LRRC71: variants seen among roughly 807,000 people sequenced by gnomAD.
LRRC71 encodes leucine-rich repeat-containing protein 71.
A neutral mutation model predicts 66.6 loss-of-function variants in LRRC71; 54 were observed. The observed-to-expected ratio is 0.81, with a 90% CI of 0.65 to 1.02. The LOEUF (loss-of-function observed/expected upper bound fraction) is 1.02, where lower values mean the gene tolerates loss of function less well. Among genes scored for constraint, LRRC71 ranks in the 50% least tolerant of loss-of-function variants. The pLI is 0.00. For missense variants in LRRC71, 724 were observed against 718.0 expected (o/e 1.01, Z -0.10); for synonymous variants, 323 against 303.9 (o/e 1.06, Z -0.65).
At chr1:156,928,454 TCTTCTC>T (rs1397825696) in intron 9 of LRRC71, among the ~76,000 whole-genome samples, 1 of 64,534 alleles carries the variant, frequency 1.5e-5, no homozygotes, top group East Asian at 9.1e-4. Context: ...CTCCTCCTCT[TCTTCTC>T]CTTCTTCTCT....
rs747664406 is a variant in LRRC71 at position 156,932,559 on chromosome 1, ACT to A, written c.1563+20_1563+21del. The A allele has an allele frequency of 1.2e-6, 2 of 1,613,602 alleles. No homozygotes were observed. The highest frequency in any genetic ancestry group is 1.1e-5 in the South Asian group (1 of 91,066). ...CTGTCCCTGGCTGTGAGTCCCTTTC[ACT>A]CTCTCCTGCTGAAGCAGACGTTGCC... On this transcript the variant is annotated intron_variant, in intron 14 of 14. Coordinates refer to ENST00000337428, the MANE Select transcript of LRRC71 (RefSeq NM_144702.3).
intron 11 of LRRC71, 85 bp from the exon 12 acceptor site, chr1:156,930,444 C>A: frequency 8.0e-7 from 1 of 1,255,022 alleles, no homozygotes; most frequent in Non-Finnish European, 1.1e-6. Flanking sequence ...GGTCTCTTTG[C>A]CTCACAGCCT....
the LRRC71 span, among the ~76,000 whole-genome samples, chr1:156,940,937 G>C: frequency 6.6e-6 from 1 of 152,202 alleles, no homozygotes. Flanking sequence ...CTCTCAATGA[G>C]AATGCTGTCC....
At chr1:156,921,590 T>A in intron 1 of LRRC71, 4 of 978,666 alleles carry the variant, frequency 4.1e-6, no homozygotes, top group Non-Finnish European at 3.6e-6. Flanking sequence ...CCAGGTACTA[T>A]CTCTTTGTCA....
intron 11 of LRRC71, 69 bp downstream of exon 11, chr1:156,929,798 G>A (rs1468934588): frequency 1.5e-6 from 2 of 1,377,508 alleles, no homozygotes; most frequent in African/African-American, 1.4e-5. Context: ...CCGGGTGCAG[G>A]AAGCTGTTCT....
chr1:156,920,932 T>C lies in LRRC71; in HGVS notation c.129T>C (p.Pro43=). The change falls in exon 1 of 15, where the codon CCT becomes CCC. Residue 43 remains proline, a synonymous_variant. Coordinates refer to ENST00000337428, the MANE Select transcript of LRRC71 (RefSeq NM_144702.3). The surrounding 1 kb of genome is among the most constrained non-coding windows in gnomAD (Gnocchi z 4.9). ...AAKEKPATVL[P]PVGEEEPKSP... ...AAGAGAAGCCAGCGACCGTTCTGCCTCCCGTGGGGGAGGAGGAGCCCAAAA... is the reference window on the plus strand; with the variant it reads ...AAGAGAAGCCAGCGACCGTTCTGCCCCCCGTGGGGGAGGAGGAGCCCAAAA... 1 of 1,538,426 alleles carries C rather than the reference T, an allele frequency of 6.5e-7. No individual in the cohort carries two copies. The highest frequency in any genetic ancestry group is 8.8e-7 in the Non-Finnish European group (1 of 1,140,714).
At chr1:156,940,809 G>A in the LRRC71 span, among the ~76,000 whole-genome samples, 1 of 152,184 alleles carries the variant, frequency 6.6e-6, no homozygotes, top group Admixed American at 6.5e-5. Flanking sequence ...ATGAAGACGT[G>A]AAGGAGGTGT....
At chr1:156,932,100 C>T in intron 13 of LRRC71, 73 bp downstream of exon 13, 1 of 1,205,312 alleles carries the variant, frequency 8.3e-7, no homozygotes, top group Non-Finnish European at 1.2e-6. Flanking sequence ...GGGTGTTTAC[C>T]CCGACTCTAT....
rs1652930212 is a variant in LRRC71, at chr1:156,924,735, G to A, written c.515+17G>A. The A allele has an allele frequency of 8.4e-6, 13 of 1,551,374 alleles. No individual in the cohort carries two copies. Among genetic ancestry groups the A allele is most frequent in the Non-Finnish European group, 1.0e-5 (12 of 1,146,696 alleles). ...GGCCATCAAGTGAGAGGCACTGAGG[G>A]GATGGGCGGGGGACCAGAGTGGGAG... is the stretch of plus-strand genomic sequence containing the variant. On this transcript the variant is annotated intron_variant, in intron 4 of 14. Coordinates refer to ENST00000337428, the MANE Select transcript of LRRC71 (RefSeq NM_144702.3).
downstream of LRRC71, chr1:156,937,215 A>G: frequency 6.2e-7 from 1 of 1,612,772 alleles, no homozygotes; most frequent in Non-Finnish European, 8.5e-7. Context: ...GATGGACTGA[A>G]GGCCTGCAGG....
chr1:156,924,401 C>T (rs1180753281), intron 2 of LRRC71, 23 bp from the exon 3 acceptor site: 3 of 1,545,430 alleles, frequency 1.9e-6, no homozygotes, highest in Admixed American at 2.0e-5. Flanking sequence ...CTGTTCCCCT[C>T]CCTCCTCACC....
At position 156,931,919 on chromosome 1, in the gene LRRC71, G is replaced by C; in HGVS notation, c.1333G>C (p.Val445Leu). 6.3e-7 allele frequency: 1 copy of C among 1,581,964 alleles called. No individual in the cohort carries two copies. The highest frequency in any genetic ancestry group is 2.3e-5 in the East Asian group (1 of 43,606). The change falls in exon 13 of 15, where the codon GTT becomes CTT. Residue 445 changes from valine to leucine, a missense_variant. By Grantham distance (32) the Val-to-Leu change is conservative. Transcript: ENST00000337428. ...KRSILLESELVVEATEVVNPL... is the reference protein window; with the variant it reads ...KRSILLESELLVEATEVVNPL... ...AATTAGTATTCTGCTTTAGCAGCTG[G>C]TTGTTGAGGCTACTGAGGTGGTCAA... is the stretch of plus-strand genomic sequence containing the variant.
At chr1:156,921,972 C>T (rs1652466136) in intron 1 of LRRC71, among the ~76,000 whole-genome samples, 1 of 152,032 alleles carries the variant, frequency 6.6e-6, no homozygotes, top group Non-Finnish European at 1.5e-5. Context: ...GAGTGAGTGA[C>T]AGAGCAAGAA....
chr1:156,922,109 CA>C (rs1652484084), intron 1 of LRRC71, among the ~76,000 whole-genome samples: 1 of 152,058 alleles, frequency 6.6e-6, no homozygotes, highest in African/African-American at 2.4e-5. Flanking sequence ...CAGCTGGACA[CA>C]TGGGTCAGCA....
At position 156,927,679 on chromosome 1, in the gene LRRC71, C is replaced by T. The variant is rs1653425692; in HGVS notation, c.822+24C>T. 2.5e-6 allele frequency: 4 copies of T among 1,606,842 alleles called. No homozygotes were observed. In the South Asian group the frequency reaches 3.3e-5, roughly 13 times the overall value. On this transcript the variant is annotated intron_variant, in intron 7 of 14. Transcript: ENST00000337428. ...ACGTGAGTGCACGGCGGGGAGGGAC[C>T]TGCTGGGAGCAGGGGCGGCTTGGGC...
At chr1:156,938,310 G>A in the LRRC71 span, 34 of 984,204 alleles carry the variant, frequency 3.5e-5, no homozygotes, top group Non-Finnish European at 4.1e-5. Context: ...AGGCAGCTGA[G>A]GGAGCTTGTG....
intron 11 of LRRC71, 107 bp from the exon 12 acceptor site, chr1:156,930,422 C>T (rs1654188552): frequency 1.0e-6 from 1 of 984,270 alleles, no homozygotes; most frequent in African/African-American, 1.6e-5. Flanking sequence ...GCACCCAAAC[C>T]CAAAGTTGGG....
At chr1:156,940,133 G>C in the LRRC71 span, 20 of 1,481,710 alleles carry the variant, frequency 1.3e-5, no homozygotes, top group Non-Finnish European at 1.8e-5. Context: ...GGTGGAGGGT[G>C]CAGGCGCCTG....
downstream of LRRC71, among the ~76,000 whole-genome samples, chr1:156,934,520 CAT>C (rs990706012): frequency 6.6e-6 from 1 of 151,966 alleles, no homozygotes; most frequent in African/African-American, 2.4e-5. Flanking sequence ...TTTATATACA[CAT>C]ATATGTGTAT....
Sources: allele counts gnomAD v4.1 joint callset (sites outside exome capture counted in the v4.1 genomes callset), GRCh38; gene constraint gnomAD v4.1.1; non-coding constraint Gnocchi (gnomAD v3.1); transcripts MANE v1.5; gene names NCBI Gene and HGNC (gene_info 2026-07-23, HGNC 2026-07-21).